Variants in SPATS2L observed in about 807,000 individuals in gnomAD.
SPATS2L encodes the protein SPATS2-like protein.
SPATS2L carries 30 observed loss-of-function variants against 59.6 expected under a neutral mutation model. That is an observed-to-expected ratio of 0.50 (90% CI 0.38 to 0.68). SPATS2L has a LOEUF of 0.68. Among genes scored for constraint, SPATS2L ranks in the 30% least tolerant of loss-of-function variants. The pLI is 0.00. For missense variants in SPATS2L, 615 were observed against 700.0 expected (o/e 0.88, Z 1.37); for synonymous variants, 252 against 263.5 (o/e 0.96, Z 0.42).
At chr2:200,423,143 GTTGT>G (rs1242919056) in intron 6 of SPATS2L, among the ~76,000 whole-genome samples, 2 of 152,190 alleles carry the variant, frequency 1.3e-5, no homozygotes, top group Non-Finnish European at 2.9e-5. Context: ...AACTTAATGA[GTTGT>G]TTATTTCTGG....
intron 2 of SPATS2L, among the ~76,000 whole-genome samples, chr2:200,341,149 T>C (rs1372808391): frequency 6.6e-6 from 1 of 152,192 alleles, no homozygotes; most frequent in Non-Finnish European, 1.5e-5. Flanking sequence ...ACAACAGCCC[T>C]GTGAGGTGGG....
chr2:200,319,625 T>C (rs34693942), intron 1 of SPATS2L, among the ~76,000 whole-genome samples: 76,222 of 150,062 alleles, frequency 0.51, 20,716 homozygotes, highest in East Asian at 0.77. Flanking sequence ...TGACTGAGTA[T>C]TCTGAACAGT....
intron 11 of SPATS2L, among the ~76,000 whole-genome samples, chr2:200,472,068 C>T (rs190832558): frequency 1.9e-4 from 29 of 152,272 alleles, no homozygotes; most frequent in African/African-American, 4.3e-4. Context: ...TCATAATAAA[C>T]GCTGAGCAGA....
intron 2 of SPATS2L, among the ~76,000 whole-genome samples, chr2:200,348,033 A>G (rs1410557668): frequency 6.6e-6 from 1 of 152,176 alleles, no homozygotes; most frequent in Non-Finnish European, 1.5e-5. Flanking sequence ...CAGCAATTGT[A>G]TTTTCCAGTA....
At chr2:200,306,540 G>C (rs916974305), upstream of SPATS2L, 8 of 1,002,268 alleles carry the variant, frequency 8.0e-6, no homozygotes, top group Non-Finnish European at 7.2e-6. Flanking sequence ...CCCGAGAGAG[G>C]CGTGAGCAGC....
At chr2:200,460,542 G>A (rs565774285) in intron 9 of SPATS2L, among the ~76,000 whole-genome samples, 2 of 152,056 alleles carry the variant, frequency 1.3e-5, no homozygotes, top group African/African-American at 4.8e-5. Flanking sequence ...TCAGGAGATC[G>A]AGACCATCCT....
chr2:200,478,007 C>A lies in SPATS2L; in HGVS notation c.1653C>A (p.Val551=). The part of the protein sequence containing the change: ...EVSTDAAVLS[V]PAVTLVA ...CCACAGATGCAGCAGTTCTCTCAGT[C>A]CCGGCTGTGACGTTGGTGGCCTGAG... is the stretch of plus-strand genomic sequence containing the variant. The change falls in exon 13 of 13, where the codon GTC becomes GTA. Residue 551 remains valine (V), a synonymous_variant. Transcript: ENST00000409140. 1 of 1,569,114 alleles carries A rather than the reference C, an allele frequency of 6.4e-7. No individual in the cohort carries two copies. The highest frequency in any genetic ancestry group is 8.6e-7 in the Non-Finnish European group (1 of 1,156,834).
At chr2:200,464,525 C>T (rs1178557822) in intron 9 of SPATS2L, among the ~76,000 whole-genome samples, 1 of 152,198 alleles carries the variant, frequency 6.6e-6, no homozygotes, top group Admixed American at 6.5e-5. Context: ...TTAATTGTCA[C>T]CAGTCTCACA....
chr2:200,320,550 G>A (rs2079528964), intron 1 of SPATS2L, among the ~76,000 whole-genome samples: 2 of 152,320 alleles, frequency 1.3e-5, no homozygotes, highest in Non-Finnish European at 2.9e-5. Flanking sequence ...TCCTGGGACA[G>A]AGTCGTCAGG....
chr2:200,468,865 T>C (rs773402009), intron 10 of SPATS2L, among the ~76,000 whole-genome samples: 1 of 152,224 alleles, frequency 6.6e-6, no homozygotes, highest in Non-Finnish European at 1.5e-5. Context: ...GTAAGAAATA[T>C]AAAATTGCTA....
At chr2:200,453,225 T>C (rs1323720804) in intron 8 of SPATS2L, among the ~76,000 whole-genome samples, 1 of 151,990 alleles carries the variant, frequency 6.6e-6, no homozygotes. Flanking sequence ...GAGGACAGGA[T>C]GGGGAGCAGA....
At chr2:200,322,816 G>GA (rs3835867) in intron 1 of SPATS2L, among the ~76,000 whole-genome samples, 1 of 152,074 alleles carries the variant, frequency 6.6e-6, no homozygotes, top group Non-Finnish European at 1.5e-5. Flanking sequence ...AAAAATGGGG[G>GA]AAAAAACCCA....
chr2:200,306,645 G>A (rs2079020782), upstream of SPATS2L: 3 of 988,028 alleles, frequency 3.0e-6, no homozygotes, highest in African/African-American at 5.2e-5. Context: ...GCGGGCGGGG[G>A]CAGCCTGCGA....
intron 2 of SPATS2L, among the ~76,000 whole-genome samples, chr2:200,383,598 T>C (rs1343432364): frequency 6.6e-6 from 1 of 152,164 alleles, no homozygotes; most frequent in Non-Finnish European, 1.5e-5. Flanking sequence ...GTTAAGTCTG[T>C]TGATTAGCCA....
chr2:200,344,168 T>C (rs1368341104), intron 2 of SPATS2L, among the ~76,000 whole-genome samples: 1 of 152,102 alleles, frequency 6.6e-6, no homozygotes, highest in Non-Finnish European at 1.5e-5. Flanking sequence ...TATGTCATCT[T>C]CCAGGTACTA....
chr2:200,477,662 A>G lies in SPATS2L; in HGVS notation c.1308A>G (p.Arg436=), dbSNP rs761701361. 96 of 1,555,980 alleles carry G rather than the reference A, an allele frequency of 6.2e-5. No homozygotes were observed. Among genetic ancestry groups the G allele is most frequent in the Non-Finnish European group, 7.1e-5 (82 of 1,151,174 alleles). The change falls in exon 13 of 13, where the codon AGA becomes AGG. Residue 436 remains arginine (R), a synonymous_variant. Coordinates refer to ENST00000409140, the MANE Select transcript of SPATS2L (RefSeq NM_001100423.2). Reference sequence around the variant, plus strand: ...ATGGATCTTCTAACCAAAGACGGAGATTTAATCCACAGTATCATAACAACA... The same window carrying G: ...ATGGATCTTCTAACCAAAGACGGAGGTTTAATCCACAGTATCATAACAACA... ...KQNGSSNQRR[R]FNPQYHNNRL...
intron 8 of SPATS2L, among the ~76,000 whole-genome samples, chr2:200,441,265 A>G (rs530164182): frequency 2.6e-5 from 4 of 152,170 alleles, no homozygotes; most frequent in Non-Finnish European, 4.4e-5. Context: ...TGGTGCATCA[A>G]TATGGTTTTG....
At chr2:200,405,389 A>AG (rs2082658285) in intron 3 of SPATS2L, among the ~76,000 whole-genome samples, 1 of 151,996 alleles carries the variant, frequency 6.6e-6, no homozygotes, top group African/African-American at 2.4e-5. Context: ...GCCAAAAAAA[A>AG]AAAAAGTTAG....
Position 200,429,578 on chromosome 2 carries a change from G to A in SPATS2L, c.446-9544G>A, listed in dbSNP as rs543486844. ...GCTGCTCAAAGCCACTGACAGTGGC[G>A]GGAGGTGGGGAATGGCACGAGGATG... On this transcript the variant is annotated intron_variant, in intron 6 of 12. Coordinates refer to ENST00000409140, the MANE Select transcript of SPATS2L (RefSeq NM_001100423.2). 1.6e-4 allele frequency among the ~76,000 whole-genome samples: 25 copies of A among 152,284 alleles called. No individual in the cohort carries two copies. The East Asian group carries it at 1.7e-3, about 11-fold the overall frequency.
Sources: allele counts gnomAD v4.1 joint callset (sites outside exome capture counted in the v4.1 genomes callset), GRCh38; gene constraint gnomAD v4.1.1; transcripts MANE v1.5; gene names NCBI Gene and HGNC (gene_info 2026-07-23, HGNC 2026-07-21).